TCERG1L: variants seen among roughly 807,000 people sequenced by gnomAD.
TCERG1L encodes the protein transcription elongation regulator 1-like protein.
Under a neutral mutation model 56.3 loss-of-function variants are expected in TCERG1L, and 37 were observed. The ratio of observed to expected loss-of-function variants is 0.66; its 90% confidence interval spans 0.51 to 0.87. The LOEUF (loss-of-function observed/expected upper bound fraction) is 0.87. Ranked by LOEUF, TCERG1L falls within the 40% of genes least tolerant of loss-of-function variation. The pLI is 0.00. For synonymous variants in TCERG1L, 324 were observed against 326.3 expected, an observed-to-expected ratio of 0.99 and a Z score of 0.08; for missense variants, 799 against 774.2, an observed-to-expected ratio of 1.03 and a Z score of -0.38.
chr10:131,129,834 C>T (rs1459610658), intron 8 of TCERG1L, among the ~76,000 whole-genome samples: 1 of 152,182 alleles, frequency 6.6e-6, no homozygotes, highest in Non-Finnish European at 1.5e-5. Context: ...CGGGAGGCCT[C>T]AGGAAACTTT....
Position 131,145,669 on chromosome 10 carries a change from C to T in TCERG1L, c.1189+837G>A, listed in dbSNP as rs79593650. Among the ~76,000 whole-genome samples the T allele has an allele frequency of 3.0e-4, 45 of 152,268 alleles. No homozygotes were observed. The East Asian group carries it at 5.8e-3, about 20-fold the overall frequency. On this transcript the variant is annotated intron_variant, in intron 7 of 11. Transcript: ENST00000368642. ...ATCATCTAGCATTAGCCCTCAATGA[C>T]GTGAAATTAAAAATGCCACTAAGAA...
chr10:131,255,767 TTTTC>T (rs1846160000), intron 4 of TCERG1L, among the ~76,000 whole-genome samples: 1 of 152,182 alleles, frequency 6.6e-6, no homozygotes, highest in African/African-American at 2.4e-5. Flanking sequence ...AGGAGCATCG[TTTTC>T]TAGACAAGTG....
intron 4 of TCERG1L, among the ~76,000 whole-genome samples, chr10:131,234,850 T>C (rs1390707584): frequency 1.3e-5 from 2 of 152,194 alleles, no homozygotes. Flanking sequence ...ACTACAGGCG[T>C]GCGCCACCAC....
chr10:131,214,993 G>A lies in TCERG1L; in HGVS notation c.856+45266C>T, dbSNP rs377204029. On this transcript the variant is annotated intron_variant, in intron 4 of 11. Transcript: ENST00000368642. ...GGCCCTGTTTCTGCCCTCACTCACA[G>A]GCGGAAACAGGGGCACTCAGAGCTA... Among the ~76,000 whole-genome samples, 19 of 152,318 alleles carry A rather than the reference G, an allele frequency of 1.2e-4. No homozygotes were observed. In the East Asian group the frequency reaches 1.9e-3, roughly 15 times the overall value.
chr10:131,153,274 C>A (rs551190722), intron 6 of TCERG1L, among the ~76,000 whole-genome samples: 2 of 152,222 alleles, frequency 1.3e-5, no homozygotes, highest in Admixed American at 1.3e-4. Context: ...GGCAGCAGGA[C>A]CCACCTGAAT....
At chr10:131,278,983 T>C (rs992397961) in intron 3 of TCERG1L, among the ~76,000 whole-genome samples, 2 of 152,244 alleles carry the variant, frequency 1.3e-5, no homozygotes, top group South Asian at 2.1e-4. Flanking sequence ...CAATCACATC[T>C]GTTTGAGAAA....
At chr10:131,215,545 C>A (rs549963868) in intron 4 of TCERG1L, among the ~76,000 whole-genome samples, 2 of 152,142 alleles carry the variant, frequency 1.3e-5, no homozygotes, top group African/African-American at 4.8e-5. Flanking sequence ...GATCTGCACC[C>A]GGCTGGAGGA....
At chr10:131,268,879 T>C (rs924845859) in intron 3 of TCERG1L, among the ~76,000 whole-genome samples, 1 of 152,244 alleles carries the variant, frequency 6.6e-6, no homozygotes, top group African/African-American at 2.4e-5. Context: ...CCTGGTTTGA[T>C]CTTCCATCCA....
rs1305788817 is a variant in TCERG1L, at chr10:131,267,249, G to T, written c.671-6805C>A. On this transcript the variant is annotated intron_variant, in intron 3 of 11. Coordinates refer to ENST00000368642, the MANE Select transcript of TCERG1L (RefSeq NM_174937.4). The surrounding 1 kb of genome is among the most constrained non-coding windows in gnomAD (Gnocchi z 4.9). ...TGAGGCAGCAGGGCACTGCACATGA[G>T]CACTGCCCTGAGTGTGCACACACCT... Among the ~76,000 whole-genome samples, 1 of 152,186 alleles carries T rather than the reference G, an allele frequency of 6.6e-6. No homozygotes were observed. Among genetic ancestry groups the T allele is most frequent in the Non-Finnish European group, 1.5e-5 (1 of 68,010 alleles).
At chr10:131,188,416 A>G (rs1845269116) in intron 4 of TCERG1L, among the ~76,000 whole-genome samples, 1 of 152,346 alleles carries the variant, frequency 6.6e-6, no homozygotes, top group East Asian at 1.9e-4. Context: ...CCACACTGGA[A>G]CTGTATAGAC....
At chr10:131,227,151 GC>G (rs1845799043) in intron 4 of TCERG1L, among the ~76,000 whole-genome samples, 1 of 152,238 alleles carries the variant, frequency 6.6e-6, no homozygotes, top group Non-Finnish European at 1.5e-5. Context: ...ATGGCCATGG[GC>G]CCTAGCAAGG....
chr10:131,147,367 G>C (rs1272405645), intron 6 of TCERG1L, among the ~76,000 whole-genome samples: 1 of 152,194 alleles, frequency 6.6e-6, no homozygotes, highest in East Asian at 1.9e-4. Flanking sequence ...AAGGAAAAAA[G>C]TCCCTCCCTA....
In TCERG1L at chr10:131,191,155, C is replaced by G. The variant is rs760540971; in HGVS notation, c.857-24270G>C. Among the ~76,000 whole-genome samples, 15 of 143,830 alleles carry G rather than the reference C, an allele frequency of 1.0e-4. 1 individual carries two copies. Among genetic ancestry groups the G allele is most frequent in the Non-Finnish European group, 1.8e-4 (12 of 65,226 alleles). The allele number at this position is 143,830 out of a possible 152,430, so 94.4% of individuals were successfully genotyped here. ...AAAACAAACAAACAAACAAAAAACC[C>G]TAGGAATATACTTCATCCAGGAGGT... On this transcript the variant is annotated intron_variant, in intron 4 of 11. Coordinates refer to ENST00000368642, the MANE Select transcript of TCERG1L (RefSeq NM_174937.4).
intron 4 of TCERG1L, among the ~76,000 whole-genome samples, chr10:131,258,458 C>A (rs1383263648): frequency 6.6e-6 from 1 of 152,204 alleles, no homozygotes; most frequent in Admixed American, 6.5e-5. Context: ...CAGGGGCGCC[C>A]CTGGCAGCAC....
At chr10:131,168,788 T>C (rs1407517537) in intron 4 of TCERG1L, among the ~76,000 whole-genome samples, 4 of 152,114 alleles carry the variant, frequency 2.6e-5, no homozygotes, top group Admixed American at 2.0e-4. Flanking sequence ...CCTCCGTCAT[T>C]GCCACTTTAC....
At chr10:131,265,140 G>A (rs1223347146) in intron 3 of TCERG1L, among the ~76,000 whole-genome samples, 1 of 152,166 alleles carries the variant, frequency 6.6e-6, no homozygotes, top group Non-Finnish European at 1.5e-5. Flanking sequence ...AAAAGCGACT[G>A]ATGGTGTTTT....
intron 4 of TCERG1L, among the ~76,000 whole-genome samples, chr10:131,237,996 G>A (rs1388121823): frequency 6.6e-6 from 1 of 152,214 alleles, no homozygotes; most frequent in Non-Finnish European, 1.5e-5. Flanking sequence ...CCTAACTGAA[G>A]TGTGGTACAA....
intron 6 of TCERG1L, among the ~76,000 whole-genome samples, chr10:131,158,366 G>A (rs1005461875): frequency 4.0e-4 from 61 of 152,236 alleles, no homozygotes; most frequent in Non-Finnish European, 1.2e-4. Flanking sequence ...AGGAGATGGA[G>A]GGTCTTATTC....
At chr10:131,202,717 G>C (rs1184846341) in intron 4 of TCERG1L, among the ~76,000 whole-genome samples, 2 of 152,116 alleles carry the variant, frequency 1.3e-5, no homozygotes, top group Non-Finnish European at 2.9e-5. Flanking sequence ...GGAATCCATA[G>C]GCTTGCATGG....
Sources: gnomAD v4.1 joint callset for allele counts (sites outside exome capture counted in the v4.1 genomes callset) on GRCh38, gnomAD v4.1.1 for gene constraint, Gnocchi (gnomAD v3.1) non-coding constraint, MANE v1.5 for transcripts, NCBI Gene and HGNC (gene_info 2026-07-23, HGNC 2026-07-21) for gene names.